The following PDPK1 variants were observed in gnomAD, a reference collection of about 807,000 sequenced individuals.
The protein encoded by PDPK1 is 3-phosphoinositide-dependent protein kinase 1.
In PDPK1, 7 loss-of-function variants were observed where a neutral mutation model predicts 39.8. The observed-to-expected ratio is 0.18, with a 90% CI of 0.10 to 0.33. The LOEUF (loss-of-function observed/expected upper bound fraction) is 0.33. PDPK1 is among the 10% of genes least tolerant of loss of function. PDPK1 has a pLI of 1.00. For synonymous variants in PDPK1, 118 were observed against 159.1 expected, an observed-to-expected ratio of 0.74 and a Z score of 1.95; for missense variants, 182 against 384.7, an observed-to-expected ratio of 0.47 and a Z score of 4.41.
At chr16:2,545,038 AT>A (rs1233218927) in intron 1 of PDPK1, among the ~76,000 whole-genome samples, 231 of 134,760 alleles carry the variant, frequency 1.7e-3, no homozygotes, top group Middle Eastern at 7.9e-3. Flanking sequence ...TTAACATTGC[AT>A]TTTTTTTTTT....
chr16:2,539,699 G>C (rs1213412571), intron 1 of PDPK1, among the ~76,000 whole-genome samples: 2 of 152,222 alleles, frequency 1.3e-5, no homozygotes, highest in African/African-American at 4.8e-5. Flanking sequence ...GGATTGGCCA[G>C]GCTCAGTGGA....
chr16:2,546,072 G>A (rs2066338860), intron 1 of PDPK1, among the ~76,000 whole-genome samples: 1 of 152,082 alleles, frequency 6.6e-6, no homozygotes, highest in African/African-American at 2.4e-5. Context: ...CTGCTTAGGA[G>A]ATGATGAGCT....
intron 2 of PDPK1, 76 bp downstream of exon 2, chr16:2,558,039 G>T: frequency 6.4e-7 from 1 of 1,565,328 alleles, no homozygotes. Context: ...GGGCTTGCCG[G>T]AGACTCCAAG....
chr16:2,579,296 G>C (rs532146098), intron 7 of PDPK1: 6 of 102,140 alleles, frequency 5.9e-5, no homozygotes, highest in African/African-American at 1.2e-4. Context: ...GTGGGCGGGG[G>C]GGGGGCGCGA....
At chr16:2,591,704 C>G (rs1028722591) in intron 11 of PDPK1, among the ~76,000 whole-genome samples, 3 of 152,232 alleles carry the variant, frequency 2.0e-5, no homozygotes, top group Non-Finnish European at 4.4e-5. Flanking sequence ...ACCCAGCACT[C>G]TCCTTATCAG....
At chr16:2,589,964 A>G (rs565617272) in intron 11 of PDPK1, among the ~76,000 whole-genome samples, 3 of 152,302 alleles carry the variant, frequency 2.0e-5, no homozygotes, top group East Asian at 3.9e-4. Context: ...ACAGTCCACA[A>G]TGCAGTCGAA....
chr16:2,595,972 C>A, intron 12 of PDPK1, 122 bp downstream of exon 12: 1 of 783,384 alleles, frequency 1.3e-6, no homozygotes, highest in Non-Finnish European at 2.3e-6. Context: ...CAGACATCAT[C>A]TCTAGATTTC....
rs929908862 is a variant in PDPK1 at position 2,597,331 on chromosome 16, C to T, written c.1554+56C>T. The T allele has an allele frequency of 5.4e-5, 78 of 1,448,216 alleles. 1 individual carries two copies. The South Asian group carries it at 7.5e-4, about 14-fold the overall frequency. The allele number at this position is 1,448,216 out of a possible 1,614,324, so 89.7% of individuals were successfully genotyped here. On this transcript the variant is annotated intron_variant, in intron 13 of 13. Coordinates refer to ENST00000342085, the MANE Select transcript of PDPK1 (RefSeq NM_002613.5). The surrounding 1 kb of genome is among the most constrained non-coding windows in gnomAD (Gnocchi z 6.3). ...AGGGTAATGGGAGGGCTTTGCACCA[C>T]GTGGGAAGCAGCCACAGGCCTTGGC...
intron 7 of PDPK1, among the ~76,000 whole-genome samples, chr16:2,578,147 G>A (rs1159405329): frequency 2.7e-5 from 4 of 148,496 alleles, no homozygotes; most frequent in South Asian, 4.2e-4. Flanking sequence ...CAGGCAGCCC[G>A]GCCTTCGGGT....
rs2067188695 is a variant in PDPK1 at position 2,600,169 on chromosome 16, C to T, written c.*2402C>T. ...AGAGCCATCACCTGGCACGCAGGCGCCTTACATTCTACGGTAGAACGTGGG... is the reference window on the plus strand; with the variant it reads ...AGAGCCATCACCTGGCACGCAGGCGTCTTACATTCTACGGTAGAACGTGGG... On this transcript the variant is annotated 3_prime_UTR_variant, in exon 14 of 14. Transcript: ENST00000342085. 1.3e-5 allele frequency: 3 copies of T among 233,290 alleles called. No homozygotes were observed. The highest frequency in any genetic ancestry group is 1.1e-4 in the Admixed American group (2 of 17,802). The allele number at this position is 233,290 out of a possible 1,614,324, so 14.5% of individuals were successfully genotyped here.
At position 2,597,998 on chromosome 16, in the gene PDPK1, T is replaced by G. The variant is rs767628948; in HGVS notation, c.*231T>G. Reference sequence around the variant, plus strand: ...ATTCAGGGTCGCTTTGCTTGCTCTCTGTGCTCCGTGGAGGCCTCCGTGTGC... The same window carrying G: ...ATTCAGGGTCGCTTTGCTTGCTCTCGGTGCTCCGTGGAGGCCTCCGTGTGC... On this transcript the variant is annotated 3_prime_UTR_variant, in exon 14 of 14. Coordinates refer to ENST00000342085, the MANE Select transcript of PDPK1 (RefSeq NM_002613.5). This position sits in a 1 kb window ranked among gnomAD's most constrained non-coding sequence, Gnocchi z 6.3. The G allele has an allele frequency of 7.9e-5, 44 of 553,622 alleles. No homozygotes were observed. The highest frequency in any genetic ancestry group is 1.3e-4 in the Non-Finnish European group (40 of 309,990). The allele number at this position is 553,622 out of a possible 1,614,324, so 34.3% of individuals were successfully genotyped here.
Position 2,602,848 on chromosome 16 carries a change from T to C in PDPK1, c.*5081T>C, listed in dbSNP as rs545626630. ...ATACACTTTTGTATTTTTATTCTTA[T>C]ATAAGGTTATTTGCTGGCTATTGTT... On this transcript the variant is annotated 3_prime_UTR_variant, in exon 14 of 14. Transcript: ENST00000342085. The C allele has an allele frequency of 8.6e-6, 2 of 233,754 alleles. No homozygotes were observed. Among genetic ancestry groups the C allele is most frequent in the Non-Finnish European group, 8.5e-6 (1 of 117,814 alleles). 14.5% of individuals were successfully genotyped at this position (233,754 alleles called of 1,614,324 possible).
intron 11 of PDPK1, among the ~76,000 whole-genome samples, chr16:2,589,539 T>C (rs1050791066): frequency 1.3e-5 from 2 of 151,750 alleles, no homozygotes; most frequent in African/African-American, 4.8e-5. Flanking sequence ...AATACAAAAA[T>C]CAACCAGGCA....
chr16:2,585,155 C>G (rs972762730), intron 10 of PDPK1, among the ~76,000 whole-genome samples: 1 of 152,202 alleles, frequency 6.6e-6, no homozygotes, highest in African/African-American at 2.4e-5. Flanking sequence ...TGTGCTTGCA[C>G]TTGCCGCATA....
intron 11 of PDPK1, among the ~76,000 whole-genome samples, chr16:2,589,676 G>A (rs2066947990): frequency 1.4e-5 from 2 of 144,740 alleles, no homozygotes; most frequent in Non-Finnish European, 1.5e-5. Context: ...GTGACAGAGT[G>A]AGACCCTGTC....
At chr16:2,588,363 T>C (rs2066919798) in intron 11 of PDPK1, among the ~76,000 whole-genome samples, 1 of 152,204 alleles carries the variant, frequency 6.6e-6, no homozygotes, top group Non-Finnish European at 1.5e-5. Context: ...TGCCTGGCTA[T>C]GCAAGGAGCT....
At chr16:2,586,490 C>T (rs1447215708) in intron 10 of PDPK1, among the ~76,000 whole-genome samples, 186 bp from the exon 11 acceptor site, 1 of 152,280 alleles carries the variant, frequency 6.6e-6, no homozygotes, top group Non-Finnish European at 1.5e-5. Context: ...AGGCAGGATC[C>T]AGTGAGGCCT....
intron 1 of PDPK1, chr16:2,538,740 C>T (rs2066185471): frequency 1.6e-6 from 2 of 1,286,504 alleles, no homozygotes; most frequent in Admixed American, 4.6e-5. Flanking sequence ...GCCGAATGTG[C>T]AGGATCACCG....
intron 11 of PDPK1, among the ~76,000 whole-genome samples, chr16:2,587,551 C>G (rs951629416): frequency 6.6e-6 from 1 of 152,128 alleles, no homozygotes; most frequent in Non-Finnish European, 1.5e-5. Context: ...CTCTGTCACC[C>G]AGGCTGGAAT....
Sources: allele counts gnomAD v4.1 joint callset (sites outside exome capture counted in the v4.1 genomes callset), GRCh38; gene constraint gnomAD v4.1.1; non-coding constraint Gnocchi (gnomAD v3.1); transcripts MANE v1.5; gene names NCBI Gene and HGNC (gene_info 2026-07-23, HGNC 2026-07-21).